FLI1: variants seen among roughly 807,000 people sequenced by gnomAD.
The protein encoded by FLI1 is Fli-1 proto-oncogene, ETS transcription factor, also known as Friend leukemia integration 1 transcription factor.
Under a neutral mutation model 53.1 loss-of-function variants are expected in FLI1, and 13 were observed. The ratio of observed to expected loss-of-function variants is 0.24; its 90% CI spans 0.16 to 0.39. FLI1 has a LOEUF of 0.39. FLI1 is among the 10% of genes least tolerant of loss of function. The pLI, the probability that FLI1 is intolerant of heterozygous loss-of-function variation, is 1.00. For missense variants in FLI1, 424 were observed against 600.5 expected, an observed-to-expected ratio of 0.71 and a Z score of 3.07; for synonymous variants, 244 against 236.7, an observed-to-expected ratio of 1.03 and a Z score of -0.28.
At chr11:128,687,147 G>A (rs1282682350) in intron 1 of FLI1, among the ~76,000 whole-genome samples, 1 of 152,270 alleles carries the variant, frequency 6.6e-6, no homozygotes. Context: ...CGGGTATGCG[G>A]GCGCCACGCG....
At chr11:128,685,650 G>A (rs751070170), upstream of FLI1, among the ~76,000 whole-genome samples, 3 of 148,482 alleles carry the variant, frequency 2.0e-5, no homozygotes, top group East Asian at 2.0e-4. Context: ...GAATCTCTGG[G>A]CCCGAGGAAT....
At chr11:128,720,218 T>G (rs977565602) in intron 1 of FLI1, among the ~76,000 whole-genome samples, 17 of 152,220 alleles carry the variant, frequency 1.1e-4, no homozygotes, top group Non-Finnish European at 1.9e-4. Flanking sequence ...GCCATGTTCC[T>G]GTATCATTAA....
chr11:128,703,250 T>G (rs1938414557), intron 1 of FLI1, among the ~76,000 whole-genome samples: 1 of 152,234 alleles, frequency 6.6e-6, no homozygotes, highest in Admixed American at 6.5e-5. Context: ...TGACTTGGTA[T>G]AATCTTTCCA....
chr11:128,810,883 C>T lies in FLI1; in HGVS notation c.1254C>T (p.Ala418=), dbSNP rs371247490. 64 of 1,613,930 alleles carry T rather than the reference C, an allele frequency of 4.0e-5. No homozygotes were observed. The highest frequency in any genetic ancestry group is 5.3e-5 in the African/African-American group (4 of 74,942). The change falls in exon 9 of 9, where the codon GCC becomes GCT. Residue 418 remains alanine (A), a synonymous_variant. Transcript: ENST00000527786. The surrounding 1 kb of genome is among the most constrained non-coding windows in gnomAD (Gnocchi z 6.6). Reference sequence around the variant, plus strand: ...TCACTTCCTCCAGCTTCTTTGGAGCCGCATCACAATACTGGACCTCCCCCA... The same window carrying T: ...TCACTTCCTCCAGCTTCTTTGGAGCTGCATCACAATACTGGACCTCCCCCA... The part of the protein sequence containing the change: ...MPVTSSSFFG[A]ASQYWTSPTG...
intron 2 of FLI1, among the ~76,000 whole-genome samples, chr11:128,766,808 C>A (rs1409754780): frequency 3.9e-5 from 6 of 151,956 alleles, no homozygotes; most frequent in African/African-American, 1.5e-4. Flanking sequence ...AGAGGTTATG[C>A]GGCCTAGAGT....
At chr11:128,745,558 C>T (rs963665234) in intron 1 of FLI1, among the ~76,000 whole-genome samples, 2 of 152,330 alleles carry the variant, frequency 1.3e-5, no homozygotes, top group South Asian at 4.1e-4. Flanking sequence ...CTGAGGTCAC[C>T]AAGCATGGCT....
Position 128,694,148 on chromosome 11 carries a change from G to C in FLI1, c.-111G>C. The stretch of plus-strand genomic sequence containing the variant: ...CGCTCGCAGGGGGCACGCAGGGAGG[G>C]CCCAGGGCGCCAGGGAGGCCGCGCC... On this transcript the variant is annotated 5_prime_UTR_variant, in exon 1 of 9. Coordinates refer to ENST00000527786, the MANE Select transcript of FLI1 (RefSeq NM_002017.5). 1 of 1,228,818 alleles carries C rather than the reference G, an allele frequency of 8.1e-7. No individual in the cohort carries two copies. Among genetic ancestry groups the C allele is most frequent in the South Asian group, 1.6e-5 (1 of 60,974 alleles). The allele number at this position is 1,228,818 out of a possible 1,614,324, so 76.1% of individuals were successfully genotyped here.
intron 2 of FLI1, among the ~76,000 whole-genome samples, chr11:128,765,400 GGTCA>G (rs1235861231): frequency 9.2e-5 from 14 of 152,206 alleles, no homozygotes; most frequent in African/African-American, 3.4e-4. Context: ...CACAGCAAGA[GGTCA>G]GTTTTTAACT....
rs138331822 is a variant in FLI1 at position 128,733,129 on chromosome 11, G to A, written c.19-24986G>A. On this transcript the variant is annotated intron_variant, in intron 1 of 8. Coordinates refer to ENST00000527786, the MANE Select transcript of FLI1 (RefSeq NM_002017.5). ...TCCTGAAGCTCCAAGGGAAAGGGCC[G>A]CACAATGCAGTCTGCAGCGTTTTCC... is the stretch of plus-strand genomic sequence containing the variant. 3.2e-3 allele frequency among the ~76,000 whole-genome samples: 493 copies of A among 152,102 alleles called. 4 individuals carry two copies. The highest frequency in any genetic ancestry group is 0.011 in the African/African-American group (466 of 41,488).
At chr11:128,798,677 C>T (rs1432892011) in intron 5 of FLI1, among the ~76,000 whole-genome samples, 2 of 152,150 alleles carry the variant, frequency 1.3e-5, no homozygotes, top group East Asian at 1.9e-4. Context: ...TTGGGGAAAG[C>T]GTTCCCTGGA....
At chr11:128,757,044 T>TTTTCTCTTTCTTTCTTTC (rs1555116904) in intron 1 of FLI1, among the ~76,000 whole-genome samples, 1 of 107,028 alleles carries the variant, frequency 9.3e-6, no homozygotes, top group African/African-American at 3.6e-5. Context: ...CTAGCTAATT[T>TTTTCTCTTTCTTTCTTTC]TTTCTTTCTT....
intron 1 of FLI1, among the ~76,000 whole-genome samples, chr11:128,741,699 C>T (rs1940145716): frequency 6.6e-6 from 1 of 152,222 alleles, no homozygotes; most frequent in African/African-American, 2.4e-5. Context: ...AGTCCCTGAG[C>T]CAATGAAGTG....
chr11:128,715,376 A>G (rs1482054053), intron 1 of FLI1, among the ~76,000 whole-genome samples: 1 of 152,182 alleles, frequency 6.6e-6, no homozygotes, highest in Non-Finnish European at 1.5e-5. Flanking sequence ...TTTAAAGAAA[A>G]CAAAAATTTA....
At chr11:128,743,932 A>G (rs1170411831) in intron 1 of FLI1, among the ~76,000 whole-genome samples, 1 of 152,040 alleles carries the variant, frequency 6.6e-6, no homozygotes, top group Non-Finnish European at 1.5e-5. Flanking sequence ...CAGGCTTAGC[A>G]CTCCAGTCAA....
upstream of FLI1, among the ~76,000 whole-genome samples, chr11:128,685,574 A>G (rs1258214967): frequency 6.6e-6 from 1 of 150,626 alleles, no homozygotes; most frequent in Non-Finnish European, 1.5e-5. Flanking sequence ...AATGTAGGGG[A>G]CCGGTGGGGT....
chr11:128,791,992 C>A (rs1406973894), intron 5 of FLI1, among the ~76,000 whole-genome samples: 1 of 152,206 alleles, frequency 6.6e-6, no homozygotes, highest in Non-Finnish European at 1.5e-5. Flanking sequence ...TTCCTTTCTT[C>A]ACTTATGCCC....
intron 1 of FLI1, among the ~76,000 whole-genome samples, chr11:128,751,339 T>C (rs1381290306): frequency 6.6e-6 from 1 of 150,754 alleles, no homozygotes. Context: ...GCATTGGCCT[T>C]CATTAAAATT....
chr11:128,756,445 C>T (rs922950958), intron 1 of FLI1, among the ~76,000 whole-genome samples: 1 of 152,298 alleles, frequency 6.6e-6, no homozygotes, highest in South Asian at 2.1e-4. Context: ...CACCTTACCT[C>T]CTTAAAGGTC....
intron 1 of FLI1, among the ~76,000 whole-genome samples, chr11:128,743,394 G>GA (rs1217949739): frequency 1.5e-5 from 2 of 130,584 alleles, no homozygotes; most frequent in East Asian, 2.2e-4. Context: ...AACATGGCAA[G>GA]ACCATGTCTC....
Sources: gnomAD v4.1 joint callset for allele counts (sites outside exome capture counted in the v4.1 genomes callset) on GRCh38, gnomAD v4.1.1 for gene constraint, Gnocchi (gnomAD v3.1) non-coding constraint, MANE v1.5 for transcripts, NCBI Gene and HGNC (gene_info 2026-07-23, HGNC 2026-07-21) for gene names.